The following HS6ST3 variants were observed in gnomAD, a reference collection of about 807,000 sequenced individuals.
The protein encoded by HS6ST3 is heparan sulfate 6-O-sulfotransferase 3.
Under a neutral mutation model 36.7 loss-of-function variants are expected in HS6ST3, and 12 were observed. The ratio of observed to expected loss-of-function variants is 0.33; its 90% CI spans 0.21 to 0.53. HS6ST3 has a LOEUF of 0.53. HS6ST3 is among the 20% of genes least tolerant of loss of function. The pLI is 0.95. For synonymous variants in HS6ST3, 240 were observed against 257.5 expected (o/e 0.93, Z 0.65); for missense variants, 584 against 640.9 (o/e 0.91, Z 0.96).
At chr13:96,549,573 T>A (rs1356417190) in intron 1 of HS6ST3, among the ~76,000 whole-genome samples, 1 of 152,186 alleles carries the variant, frequency 6.6e-6, no homozygotes, top group Admixed American at 6.6e-5. Context: ...TAAATTATAG[T>A]CAAAGGTTAT....
At position 96,167,891 on chromosome 13, in the gene HS6ST3, T is replaced by G. The variant is rs186597216; in HGVS notation, c.707+76322T>G. Among the ~76,000 whole-genome samples the G allele has an allele frequency of 7.2e-5, 11 of 152,298 alleles. No individual in the cohort carries two copies. In the East Asian group the frequency reaches 1.9e-3, roughly 27 times the overall value. ...AAACTCTGTATATGTGTGTGTAAAG[T>G]GCTGGATGATGATTAAGATTTTTGT... On this transcript the variant is annotated intron_variant, in intron 1 of 1. Transcript: ENST00000376705.
chr13:96,765,588 TTCTCTCTCTCTCTCTCTCTCTCTCTCTC>T (rs58979172), intron 1 of HS6ST3, among the ~76,000 whole-genome samples: 9 of 142,596 alleles, frequency 6.3e-5, no homozygotes, highest in African/African-American at 2.3e-4. Context: ...CTCTCTCTCT[TTCTCTCTCTCTCTCTCTCTCTCTCTCTC>T]TCTCTCTCTC....
At chr13:96,692,625 G>A (rs1251973226) in intron 1 of HS6ST3, among the ~76,000 whole-genome samples, 1 of 152,132 alleles carries the variant, frequency 6.6e-6, no homozygotes. Context: ...ATTCCATACT[G>A]AACAATTCAG....
intron 1 of HS6ST3, among the ~76,000 whole-genome samples, chr13:96,155,409 T>C (rs1185648968): frequency 6.6e-6 from 1 of 152,148 alleles, no homozygotes; most frequent in Non-Finnish European, 1.5e-5. Context: ...TGTGGACAAA[T>C]TTATCTTGGC....
chr13:96,597,665 G>T, intron 1 of HS6ST3, among the ~76,000 whole-genome samples: 1 of 151,570 alleles, frequency 6.6e-6, no homozygotes. Context: ...TATTTCTTTT[G>T]CTGTGTTTTT....
chr13:96,693,634 C>T (rs557271392), intron 1 of HS6ST3, among the ~76,000 whole-genome samples: 2 of 152,232 alleles, frequency 1.3e-5, no homozygotes, highest in Admixed American at 6.5e-5. Context: ...ATTATAGTTA[C>T]TGTGTAATCC....
At chr13:96,111,177 T>C (rs923126503) in intron 1 of HS6ST3, among the ~76,000 whole-genome samples, 3 of 152,212 alleles carry the variant, frequency 2.0e-5, no homozygotes, top group African/African-American at 4.8e-5. Flanking sequence ...AGATTTACAA[T>C]GTGTCCTAAA....
At chr13:96,241,347 T>C (rs1219225788) in intron 1 of HS6ST3, among the ~76,000 whole-genome samples, 3 of 152,090 alleles carry the variant, frequency 2.0e-5, no homozygotes, top group Non-Finnish European at 4.4e-5. Context: ...TACATAAAAA[T>C]GAAAAACACG....
chr13:96,118,697 T>A, intron 1 of HS6ST3, among the ~76,000 whole-genome samples: 1 of 70,628 alleles, frequency 1.4e-5, no homozygotes, highest in Non-Finnish European at 2.5e-5. Context: ...TATTTTTTTT[T>A]TTTTTTTTTT....
intron 1 of HS6ST3, among the ~76,000 whole-genome samples, chr13:96,536,739 T>C (rs1307682561): frequency 6.6e-6 from 1 of 152,200 alleles, no homozygotes; most frequent in Non-Finnish European, 1.5e-5. Flanking sequence ...CCAGGTAGAA[T>C]GTGGCCCTCA....
chr13:96,790,073 C>A (rs1330066617), intron 1 of HS6ST3, among the ~76,000 whole-genome samples: 1 of 151,794 alleles, frequency 6.6e-6, no homozygotes, highest in East Asian at 1.9e-4. Context: ...TCCTGTGAGT[C>A]CACAAGGCAC....
intron 1 of HS6ST3, among the ~76,000 whole-genome samples, chr13:96,410,042 A>G (rs527356626): frequency 6.6e-6 from 1 of 152,336 alleles, no homozygotes; most frequent in South Asian, 2.1e-4. Context: ...TATAAGGATA[A>G]TATCTTCCTC....
intron 1 of HS6ST3, among the ~76,000 whole-genome samples, chr13:96,623,030 G>A (rs574905161): frequency 1.3e-5 from 2 of 152,074 alleles, no homozygotes; most frequent in African/African-American, 2.4e-5. Context: ...ACATCTCATA[G>A]TTCTATTATC....
intron 1 of HS6ST3, among the ~76,000 whole-genome samples, chr13:96,795,908 A>G (rs1030231044): frequency 2.6e-5 from 4 of 152,132 alleles, no homozygotes; most frequent in Non-Finnish European, 5.9e-5. Flanking sequence ...GCCCAGCACA[A>G]TGACAATCAC....
intron 1 of HS6ST3, among the ~76,000 whole-genome samples, chr13:96,465,461 A>G (rs1414885176): frequency 6.6e-6 from 1 of 152,230 alleles, no homozygotes; most frequent in Non-Finnish European, 1.5e-5. Context: ...CACAGGCACA[A>G]GGAGGAATGA....
At chr13:96,197,091 T>C (rs1214309532) in intron 1 of HS6ST3, among the ~76,000 whole-genome samples, 1 of 152,240 alleles carries the variant, frequency 6.6e-6, no homozygotes, top group African/African-American at 2.4e-5. Context: ...TATTTGATAG[T>C]TAGATGATAG....
At chr13:96,643,576 A>ACAAAAAGGCT in intron 1 of HS6ST3, among the ~76,000 whole-genome samples, 1 of 151,982 alleles carries the variant, frequency 6.6e-6, no homozygotes, top group East Asian at 1.9e-4. Flanking sequence ...GTGTGTGTGC[A>ACAAAAAGGCT]CAAAAAGGCT....
At chr13:96,235,360 C>G (rs2054529188) in intron 1 of HS6ST3, among the ~76,000 whole-genome samples, 1 of 152,108 alleles carries the variant, frequency 6.6e-6, no homozygotes, top group South Asian at 2.1e-4. Flanking sequence ...TCAGAGCAGG[C>G]AGTCAACTGA....
intron 1 of HS6ST3, among the ~76,000 whole-genome samples, chr13:96,229,425 C>T (rs971372215): frequency 6.6e-6 from 1 of 152,172 alleles, no homozygotes; most frequent in Non-Finnish European, 1.5e-5. Flanking sequence ...GGACGACTAG[C>T]TTAAGGTGCT....
Sources: gnomAD v4.1 joint callset for allele counts (sites outside exome capture counted in the v4.1 genomes callset) on GRCh38, gnomAD v4.1.1 for gene constraint, MANE v1.5 for transcripts, NCBI Gene and HGNC (gene_info 2026-07-23, HGNC 2026-07-21) for gene names.